Variants in BRD10 observed in about 807,000 individuals in gnomAD.
The protein encoded by BRD10 is uncharacterized bromodomain-containing protein 10.
chr9:5,947,377 G>C, the BRD10 span, among the ~76,000 whole-genome samples: 2 of 151,934 alleles, frequency 1.3e-5, no homozygotes, highest in African/African-American at 4.8e-5. Flanking sequence ...AAATCAACAT[G>C]GCTACTGGAA....
chr9:5,940,624 T>C, the BRD10 span, among the ~76,000 whole-genome samples: 8 of 152,352 alleles, frequency 5.3e-5, no homozygotes, highest in South Asian at 2.1e-4. Context: ...GCTGGACATA[T>C]GGATTTTTTC....
chr9:5,998,675 A>C, the BRD10 span, among the ~76,000 whole-genome samples: 2 of 152,060 alleles, frequency 1.3e-5, no homozygotes, highest in Admixed American at 6.6e-5. Context: ...AAAGGGTTTA[A>C]ATTGTTAGTA....
the BRD10 span, among the ~76,000 whole-genome samples, chr9:5,904,555 C>T: frequency 6.6e-6 from 1 of 152,156 alleles, no homozygotes; most frequent in Non-Finnish European, 1.5e-5. Context: ...TCACTGCCAC[C>T]TCTGCCTCCC....
At chr9:6,007,551 T>C in the BRD10 span, 27,594 of 1,612,910 alleles carry the variant, frequency 0.017, 1,762 homozygotes, top group African/African-American at 0.14. Context: ...AGCCCTGCTG[T>C]AGCTCGTAGG....
At chr9:5,931,884 T>G in the BRD10 span, among the ~76,000 whole-genome samples, 10 of 152,180 alleles carry the variant, frequency 6.6e-5, no homozygotes, top group Non-Finnish European at 1.0e-4. Context: ...AGTTGAAAAT[T>G]AACTGTTCTG....
the BRD10 span, among the ~76,000 whole-genome samples, chr9:5,958,502 G>C: frequency 3.3e-5 from 5 of 152,028 alleles, no homozygotes; most frequent in African/African-American, 1.2e-4. Flanking sequence ...AAGTGTGGTG[G>C]TGCATGCCTG....
the BRD10 span, among the ~76,000 whole-genome samples, chr9:5,952,989 T>C: frequency 6.6e-6 from 1 of 152,206 alleles, no homozygotes; most frequent in African/African-American, 2.4e-5. Flanking sequence ...TATTCTACAG[T>C]ACTAAGAGAA....
chr9:5,959,273 C>G, the BRD10 span, among the ~76,000 whole-genome samples: 4 of 152,154 alleles, frequency 2.6e-5, no homozygotes, highest in African/African-American at 9.6e-5. Context: ...AGCTTCTTTT[C>G]ATAGCTCTTT....
At chr9:5,921,706 T>A in the BRD10 span, 2 of 1,613,928 alleles carry the variant, frequency 1.2e-6, no homozygotes, top group South Asian at 2.2e-5. Context: ...GAATAATATT[T>A]GCATTGTTTT....
At chr9:5,951,035 TACACACACACACACACACAC>T in the BRD10 span, among the ~76,000 whole-genome samples, 4 of 141,664 alleles carry the variant, frequency 2.8e-5, no homozygotes, top group African/African-American at 5.3e-5. Flanking sequence ...GGGCTGACTG[TACACACACACACACACACAC>T]ACACACACAC....
At chr9:5,975,482 CATTAAAGTAGTT>C in the BRD10 span, among the ~76,000 whole-genome samples, 1 of 137,700 alleles carries the variant, frequency 7.3e-6, no homozygotes, top group Non-Finnish European at 1.6e-5. Context: ...GCAATAAGGT[CATTAAAGTAGTT>C]ATTGAAACTA....
chr9:5,922,311 T>C, the BRD10 span: 12 of 1,613,906 alleles, frequency 7.4e-6, no homozygotes, highest in Non-Finnish European at 1.0e-5. Flanking sequence ...GTGGAGGAAA[T>C]GGTCGGTGAA....
the BRD10 span, among the ~76,000 whole-genome samples, chr9:5,940,064 G>A: frequency 3.9e-5 from 6 of 152,192 alleles, no homozygotes; most frequent in East Asian, 9.6e-4. Flanking sequence ...ATTGTATTCT[G>A]AATTTACCTT....
At chr9:5,913,035 A>T in the BRD10 span, among the ~76,000 whole-genome samples, 6 of 152,330 alleles carry the variant, frequency 3.9e-5, no homozygotes, top group Admixed American at 3.9e-4. Context: ...GACAAGGCTC[A>T]AGTCTCTATG....
chr9:5,920,645 G>C, the BRD10 span: 1 of 1,614,016 alleles, frequency 6.2e-7, no homozygotes. Flanking sequence ...CTGGAGTGAA[G>C]TCCGAGATTG....
At chr9:5,969,143 G>T in the BRD10 span, 1 of 1,613,920 alleles carries the variant, frequency 6.2e-7, no homozygotes, top group Non-Finnish European at 8.5e-7. Flanking sequence ...ATAAGGCAAA[G>T]TAGGTCTTCG....
At chr9:5,885,519 C>T in the BRD10 span, among the ~76,000 whole-genome samples, 10 of 152,128 alleles carry the variant, frequency 6.6e-5, no homozygotes, top group Admixed American at 1.3e-4. Flanking sequence ...TACAGGCATG[C>T]ACCACCACGC....
At chr9:5,897,431 T>C in the BRD10 span, 1 of 837,208 alleles carries the variant, frequency 1.2e-6, no homozygotes, top group Non-Finnish European at 2.0e-6. Flanking sequence ...GGGAAACTAC[T>C]TGGACACTGG....
the BRD10 span, among the ~76,000 whole-genome samples, chr9:5,923,540 T>C: frequency 6.6e-6 from 1 of 152,150 alleles, no homozygotes; most frequent in African/African-American, 2.4e-5. Context: ...TTGAGAAAAT[T>C]TTTTTGGTCA....
Sources: gnomAD v4.1 joint callset for allele counts (sites outside exome capture counted in the v4.1 genomes callset) on GRCh38, gnomAD v4.1.1 for gene constraint, MANE v1.5 for transcripts, NCBI Gene and HGNC (gene_info 2026-07-23, HGNC 2026-07-21) for gene names.